Variants in ZNF786 observed in about 807,000 individuals in gnomAD.
ZNF786 encodes the protein zinc finger protein 786.
ZNF786 carries 56 observed loss-of-function variants against 63.1 expected under a neutral mutation model. That is an observed-to-expected ratio of 0.89 (90% CI 0.72 to 1.11). The LOEUF (loss-of-function observed/expected upper bound fraction) is 1.11. Among genes scored for constraint, ZNF786 ranks in the 50% least tolerant of loss-of-function variants. The pLI, the probability that ZNF786 is intolerant of heterozygous loss-of-function variation, is 0.00. For missense variants in ZNF786, 1,213 were observed against 1,041.8 expected (o/e 1.16, Z -2.26); for synonymous variants, 485 against 406.9 (o/e 1.19, Z -2.31).
chr7:149,072,098 G>C lies in ZNF786; in HGVS notation c.674C>G (p.Ala225Gly), dbSNP rs757993929. ...RRAWEKFNKR[A>G]ETQMPWSSPR... ...GCTGCTCCACGGCATCTGCGTCTCC[G>C]CCCTCTTGTTGAATTTCTCCCAGGC... The change falls in exon 4 of 4, where the codon GCG (alanine) becomes GGG (glycine). Residue 225 changes from alanine (A) to glycine (G), a missense_variant. Physicochemically the swap from Ala to Gly is moderately conservative, Grantham distance 60 (BLOSUM62 0). Coordinates refer to ENST00000491431, the MANE Select transcript of ZNF786 (RefSeq NM_152411.4). 11 of 1,613,020 alleles carry C rather than the reference G, an allele frequency of 6.8e-6. No homozygotes were observed. Among genetic ancestry groups the C allele is most frequent in the Non-Finnish European group, 8.5e-6 (10 of 1,179,614 alleles).
In ZNF786 at chr7:149,071,924, T is replaced by A. The variant is rs759048185; in HGVS notation, c.848A>T (p.His283Leu). The change falls in exon 4 of 4, where the codon CAT becomes CTT. Residue 283 changes from histidine to leucine, a missense_variant. Transcript: ENST00000491431. ...GEMCFRHELT[H>L]PSHRLPQQGE... ...CTGCTGCGGGAGGCGGTGGCTGGGATGGGTCAGCTCGTGTCGGAAGCACAT... is the reference window on the plus strand; with the variant it reads ...CTGCTGCGGGAGGCGGTGGCTGGGAAGGGTCAGCTCGTGTCGGAAGCACAT... The A allele has an allele frequency of 6.2e-7, 1 of 1,608,116 alleles. No homozygotes were observed. Among genetic ancestry groups the A allele is most frequent in the Admixed American group, 1.7e-5 (1 of 59,926 alleles).
chr7:149,089,606 G>A (rs1232845116), intron 1 of ZNF786, among the ~76,000 whole-genome samples: 3 of 148,860 alleles, frequency 2.0e-5, no homozygotes, highest in Non-Finnish European at 4.5e-5. Context: ...CGTAAACCAC[G>A]GCGCCTGGCC....
At position 149,071,551 on chromosome 7, in the gene ZNF786, G is replaced by T; in HGVS notation, c.1221C>A (p.Arg407=). The change falls in exon 4 of 4, where the codon CGC becomes CGA. Residue 407 remains arginine (R), a synonymous_variant. Transcript: ENST00000491431. Reference sequence around the variant, plus strand: ...GGTGGACCTGCAGCAGGCGGCGCAGGCGGAAGCGCTTGGTGCAATGCGCAC... The same window carrying T: ...GGTGGACCTGCAGCAGGCGGCGCAGTCGGAAGCGCTTGGTGCAATGCGCAC... ...FQCAHCTKRF[R]LRRLLQVHQH... 1.2e-6 allele frequency: 2 copies of T among 1,612,976 alleles called. No individual in the cohort carries two copies. Among genetic ancestry groups the T allele is most frequent in the South Asian group, 1.1e-5 (1 of 91,072 alleles).
chr7:149,070,602 G>A lies in ZNF786; in HGVS notation c.2170C>T (p.Arg724Cys), dbSNP rs771289391. Reference sequence around the variant, plus strand: ...AAGGGCCTCTCGGGCCTGTGGATGCGCTGGTGCCTCAGCATGTGTCCCCTT... The same window carrying A: ...AAGGGCCTCTCGGGCCTGTGGATGCACTGGTGCCTCAGCATGTGTCCCCTT... ...RERGHMLRHQRIHRPERPFAC... is the reference protein window; with the variant it reads ...RERGHMLRHQCIHRPERPFAC... Residue 724 changes from arginine to cysteine, a missense_variant, in exon 4 of 4, where the codon CGC becomes TGC. Coordinates refer to ENST00000491431, the MANE Select transcript of ZNF786 (RefSeq NM_152411.4). The A allele has an allele frequency of 5.6e-6, 9 of 1,613,998 alleles. No homozygotes were observed. Among genetic ancestry groups the A allele is most frequent in the Admixed American group, 3.3e-5 (2 of 60,032 alleles).
At chr7:149,082,403 G>A (rs1585468930) in intron 1 of ZNF786, 1 of 283,316 alleles carries the variant, frequency 3.5e-6, no homozygotes, top group East Asian at 1.8e-4. Context: ...GTTTATTACA[G>A]TTGACTTAGA....
chr7:149,084,196 A>C (rs765077820), intron 1 of ZNF786, among the ~76,000 whole-genome samples: 2 of 151,996 alleles, frequency 1.3e-5, no homozygotes, highest in Non-Finnish European at 2.9e-5. Context: ...CCCCATCTCT[A>C]CTAAAAATAC....
intron 3 of ZNF786, among the ~76,000 whole-genome samples, chr7:149,073,759 ATATATATATATATATATATATG>A (rs1467124128): frequency 5.3e-5 from 5 of 93,620 alleles, no homozygotes; most frequent in East Asian, 4.4e-4. Flanking sequence ...ATATATATAT[ATATATATATATATATATATATG>A]TATATATATA....
At chr7:149,086,971 C>A (rs1308959636) in intron 1 of ZNF786, among the ~76,000 whole-genome samples, 1 of 152,012 alleles carries the variant, frequency 6.6e-6, no homozygotes, top group Non-Finnish European at 1.5e-5. Flanking sequence ...GCCTCCCAAG[C>A]AGCTGGGACT....
intron 1 of ZNF786, among the ~76,000 whole-genome samples, chr7:149,082,739 C>A (rs1825674003): frequency 6.6e-6 from 1 of 151,708 alleles, no homozygotes; most frequent in Admixed American, 6.6e-5. Context: ...CACCACCACA[C>A]CTGGCTAATT....
chr7:149,074,312 T>C, intron 3 of ZNF786, 74 bp downstream of exon 3: 2 of 1,557,788 alleles, frequency 1.3e-6, no homozygotes, highest in Non-Finnish European at 8.7e-7. Context: ...CCAAACAGGA[T>C]GACAAGATCA....
intron 1 of ZNF786, among the ~76,000 whole-genome samples, chr7:149,085,354 A>G (rs1397425390): frequency 3.3e-5 from 5 of 152,002 alleles, no homozygotes; most frequent in African/African-American, 1.2e-4. Context: ...GTAAGTTGGG[A>G]GCCCAGGAGT....
intron 2 of ZNF786, among the ~76,000 whole-genome samples, chr7:149,079,737 A>AT (rs1825620364): frequency 6.7e-6 from 1 of 150,068 alleles, no homozygotes; most frequent in African/African-American, 2.4e-5. Context: ...CGCCCAGCTA[A>AT]TTTTTGTATT....
chr7:149,075,652 C>T (rs1825531641), intron 2 of ZNF786, among the ~76,000 whole-genome samples: 1 of 95,092 alleles, frequency 1.1e-5, no homozygotes, highest in Non-Finnish European at 2.0e-5. Flanking sequence ...TGACACACTT[C>T]AGGTTTTTTT....
chr7:149,081,721 A>T (rs1825657072), intron 1 of ZNF786, among the ~76,000 whole-genome samples: 1 of 152,142 alleles, frequency 6.6e-6, no homozygotes, highest in African/African-American at 2.4e-5. Context: ...TCAGTATTTT[A>T]ATTTACATTA....
At chr7:149,076,737 A>C (rs971420914) in intron 2 of ZNF786, among the ~76,000 whole-genome samples, 1 of 151,242 alleles carries the variant, frequency 6.6e-6, no homozygotes, top group South Asian at 2.1e-4. Context: ...AAAAAAAAAA[A>C]ACTACATAGA....
chr7:149,086,412 G>A (rs2129516893), intron 1 of ZNF786, among the ~76,000 whole-genome samples: 1 of 152,310 alleles, frequency 6.6e-6, no homozygotes, highest in Non-Finnish European at 1.5e-5. Context: ...CAGATCACCT[G>A]AGGTCAGAAG....
At chr7:149,083,570 ATG>A (rs938966127) in intron 1 of ZNF786, among the ~76,000 whole-genome samples, 29 of 152,134 alleles carry the variant, frequency 1.9e-4, no homozygotes, top group African/African-American at 6.5e-4. Context: ...TCAGGCAAAC[ATG>A]TGCAAGTTTG....
chr7:149,077,836 C>T (rs1825583138), intron 2 of ZNF786, among the ~76,000 whole-genome samples: 2 of 149,616 alleles, frequency 1.3e-5, no homozygotes, highest in Admixed American at 6.7e-5. Flanking sequence ...GGCCCAACAG[C>T]GAAACAAATT....
At chr7:149,086,884 C>T (rs1453954823) in intron 1 of ZNF786, among the ~76,000 whole-genome samples, 11 of 151,470 alleles carry the variant, frequency 7.3e-5, no homozygotes, top group Admixed American at 4.0e-4. Flanking sequence ...CTCCATCGCC[C>T]AGGCAGGCTG....
Sources: gnomAD v4.1 joint callset for allele counts (sites outside exome capture counted in the v4.1 genomes callset) on GRCh38, gnomAD v4.1.1 for gene constraint, MANE v1.5 for transcripts, NCBI Gene and HGNC (gene_info 2026-07-23, HGNC 2026-07-21) for gene names.